Variants in HCN1 observed in about 807,000 individuals in gnomAD.
The protein encoded by HCN1 is hyperpolarization activated cyclic nucleotide gated potassium channel 1, also known as potassium/sodium hyperpolarization-activated cyclic nucleotide-gated channel 1.
A neutral mutation model predicts 78.9 loss-of-function variants in HCN1; 13 were observed. The ratio of observed to expected loss-of-function variants is 0.16; its 90% CI spans 0.11 to 0.26. The LOEUF (loss-of-function observed/expected upper bound fraction) is 0.26, where lower values mean the gene tolerates loss of function less well. Ranked by LOEUF, HCN1 falls within the 10% of genes least tolerant of loss-of-function variation. The probability of loss-of-function intolerance (pLI) is 1.00; values close to 1 mark genes in which losing one functional copy is unlikely to be tolerated. For missense variants in HCN1, 810 were observed against 1,154.3 expected (o/e 0.70, Z 4.32); for synonymous variants, 552 against 455.5 (o/e 1.21, Z -2.70).
chr5:45,648,947 G>GAA (rs1034047219), intron 1 of HCN1, among the ~76,000 whole-genome samples: 1 of 151,774 alleles, frequency 6.6e-6, no homozygotes, highest in African/African-American at 2.4e-5. Flanking sequence ...TCAATTAAAC[G>GAA]AAAACAACTT....
chr5:45,552,840 C>T (rs2111858500), intron 2 of HCN1, among the ~76,000 whole-genome samples: 2 of 151,894 alleles, frequency 1.3e-5, no homozygotes, highest in East Asian at 3.9e-4. Context: ...GATAAATGGA[C>T]TCTACATGGC....
At chr5:45,322,913 TC>T (rs1162340206) in intron 5 of HCN1, among the ~76,000 whole-genome samples, 1 of 151,860 alleles carries the variant, frequency 6.6e-6, no homozygotes, top group Non-Finnish European at 1.5e-5. Context: ...TGCAGTCTGT[TC>T]CTTGAGCAAC....
At chr5:45,362,187 T>A (rs1353030146) in intron 4 of HCN1, among the ~76,000 whole-genome samples, 1 of 144,834 alleles carries the variant, frequency 6.9e-6, no homozygotes, top group Admixed American at 6.7e-5. Context: ...TGTGTGTGTA[T>A]CTATCTATGT....
intron 2 of HCN1, among the ~76,000 whole-genome samples, chr5:45,493,314 C>A (rs866943946): frequency 6.6e-6 from 1 of 151,686 alleles, no homozygotes; most frequent in Non-Finnish European, 1.5e-5. Flanking sequence ...AATAATGAGG[C>A]GTCACGATCA....
At chr5:45,427,072 G>A (rs887610370) in intron 3 of HCN1, among the ~76,000 whole-genome samples, 15 of 151,826 alleles carry the variant, frequency 9.9e-5, no homozygotes, top group Non-Finnish European at 1.9e-4. Flanking sequence ...TAGTCTTGCC[G>A]TGCTTCAAAT....
chr5:45,298,592 C>T (rs919443888), intron 6 of HCN1, among the ~76,000 whole-genome samples: 3 of 151,904 alleles, frequency 2.0e-5, no homozygotes, highest in African/African-American at 7.3e-5. Flanking sequence ...TGGATTATAA[C>T]CCAAATTATA....
At chr5:45,372,259 T>TA (rs1554021056) in intron 4 of HCN1, among the ~76,000 whole-genome samples, 6 of 49,986 alleles carry the variant, frequency 1.2e-4, no homozygotes, top group African/African-American at 4.5e-4. Context: ...TAATATATAT[T>TA]TATATATATA....
intron 1 of HCN1, among the ~76,000 whole-genome samples, chr5:45,675,076 C>CT (rs1472326627): frequency 1.3e-5 from 2 of 151,624 alleles, no homozygotes; most frequent in African/African-American, 4.8e-5. Context: ...GAAAATATGA[C>CT]TTGATGACCC....
chr5:45,433,675 C>T (rs762727155), intron 3 of HCN1, among the ~76,000 whole-genome samples: 3 of 152,120 alleles, frequency 2.0e-5, no homozygotes, highest in Non-Finnish European at 4.4e-5. Flanking sequence ...TTCCTTCTTC[C>T]TCTTCTGTCA....
intron 4 of HCN1, among the ~76,000 whole-genome samples, chr5:45,362,106 C>G (rs779055955): frequency 6.6e-6 from 1 of 151,790 alleles, no homozygotes; most frequent in Non-Finnish European, 1.5e-5. Flanking sequence ...TTTTCCTGCT[C>G]TAAATGACTT....
At chr5:45,278,904 T>G (rs570245856) in intron 6 of HCN1, among the ~76,000 whole-genome samples, 1 of 152,108 alleles carries the variant, frequency 6.6e-6, no homozygotes, top group Non-Finnish European at 1.5e-5. Flanking sequence ...GGATTTACAT[T>G]TTTAAAGGTT....
At chr5:45,618,298 G>A (rs760446675) in intron 2 of HCN1, among the ~76,000 whole-genome samples, 4 of 151,954 alleles carry the variant, frequency 2.6e-5, no homozygotes, top group Non-Finnish European at 5.9e-5. Flanking sequence ...GGACACGGAG[G>A]TATTCCTCCT....
chr5:45,262,904 G>A, intron 7 of HCN1, 94 bp from the exon 8 acceptor site: 1 of 1,357,314 alleles, frequency 7.4e-7, no homozygotes. Flanking sequence ...AAGTATAGCT[G>A]TGCTTCACAG....
chr5:45,267,008 T>C (rs964950149), intron 7 of HCN1, 81 bp downstream of exon 7: 2 of 1,199,934 alleles, frequency 1.7e-6, no homozygotes, highest in African/African-American at 1.5e-5. Flanking sequence ...CACTCCCCAC[T>C]GCATTTGGGA....
chr5:45,358,210 A>G (rs1287078417), intron 4 of HCN1, among the ~76,000 whole-genome samples: 1 of 152,140 alleles, frequency 6.6e-6, no homozygotes, highest in East Asian at 1.9e-4. Context: ...GGAAATCATA[A>G]GTATAATAAC....
At chr5:45,277,066 T>C (rs182497359) in intron 6 of HCN1, among the ~76,000 whole-genome samples, 161 of 152,204 alleles carry the variant, frequency 1.1e-3, no homozygotes, top group African/African-American at 3.7e-3. Context: ...GTCTACACTA[T>C]TATTTTAGGG....
chr5:45,499,213 G>T (rs183245904), intron 2 of HCN1, among the ~76,000 whole-genome samples: 145 of 152,294 alleles, frequency 9.5e-4, no homozygotes, highest in African/African-American at 3.4e-3. Flanking sequence ...ATCTCATATT[G>T]CTGTGCTAGT....
intron 2 of HCN1, among the ~76,000 whole-genome samples, chr5:45,593,954 G>A (rs1744437297): frequency 6.6e-6 from 1 of 152,098 alleles, no homozygotes; most frequent in African/African-American, 2.4e-5. Flanking sequence ...GGGATTACAG[G>A]CATCAGCCAC....
intron 1 of HCN1, among the ~76,000 whole-genome samples, chr5:45,683,228 A>C (rs575567463): frequency 6.6e-6 from 1 of 152,216 alleles, no homozygotes; most frequent in East Asian, 1.9e-4. Flanking sequence ...TATTTCAGTA[A>C]ATCATTTTTC....
Sources: allele counts gnomAD v4.1 joint callset (sites outside exome capture counted in the v4.1 genomes callset), GRCh38; gene constraint gnomAD v4.1.1; transcripts MANE v1.5; gene names NCBI Gene and HGNC (gene_info 2026-07-23, HGNC 2026-07-21).